The following HCN1 variants were observed in gnomAD, a reference collection of about 807,000 sequenced individuals.
The protein encoded by HCN1 is hyperpolarization activated cyclic nucleotide gated potassium channel 1, also known as potassium/sodium hyperpolarization-activated cyclic nucleotide-gated channel 1.
In HCN1, 13 loss-of-function variants were observed where a neutral mutation model predicts 78.9. The observed-to-expected ratio is 0.16, with a 90% CI of 0.11 to 0.26. HCN1 has a LOEUF of 0.26. Ranked by LOEUF, HCN1 falls within the 10% of genes least tolerant of loss-of-function variation. The pLI is 1.00. For missense variants in HCN1, 810 were observed against 1,154.3 expected (o/e 0.70, Z 4.32); for synonymous variants, 552 against 455.5 (o/e 1.21, Z -2.70).
intron 5 of HCN1, among the ~76,000 whole-genome samples, chr5:45,348,071 A>G (rs1162251146): frequency 6.6e-6 from 1 of 152,156 alleles, no homozygotes; most frequent in Non-Finnish European, 1.5e-5. Context: ...TGTCAGATTC[A>G]CCAAAGTTGA....
rs145982296 is a variant in HCN1, at chr5:45,692,528, C to T, written c.425+3141G>A. 3.1e-4 allele frequency among the ~76,000 whole-genome samples: 47 copies of T among 152,292 alleles called. 1 individual carries two copies. In the East Asian group the frequency reaches 7.0e-3, roughly 23 times the overall value. ...TTGTTGTGTTTACTAAATTCTGTAG[C>T]TTCCACCCAGTTATTTCAAACAGTA... On this transcript the variant is annotated intron_variant, in intron 1 of 7. Coordinates refer to ENST00000303230, the MANE Select transcript of HCN1 (RefSeq NM_021072.4).
At chr5:45,695,562 C>G (rs565807677) in intron 1 of HCN1, 107 bp downstream of exon 1, 7 of 1,156,520 alleles carry the variant, frequency 6.1e-6, no homozygotes, top group African/African-American at 3.1e-5. Context: ...GCAGCGCCAC[C>G]CCCCGCCCGC....
intron 4 of HCN1, among the ~76,000 whole-genome samples, chr5:45,371,741 T>A (rs1242010857): frequency 6.9e-6 from 1 of 144,016 alleles, no homozygotes; most frequent in South Asian, 2.1e-4. Flanking sequence ...TGGGTGACAG[T>A]GAGAGACTCC....
At position 45,321,318 on chromosome 5, in the gene HCN1, A is replaced by G. The variant is rs1364673250; in HGVS notation, c.1378-17479T>C. ...TTTATTCCTGGGGGAAAAACAACGTAACAATAAACTTAAATTTTGTTTTAT... is the reference window on the plus strand; with the variant it reads ...TTTATTCCTGGGGGAAAAACAACGTGACAATAAACTTAAATTTTGTTTTAT... On this transcript the variant is annotated intron_variant, in intron 5 of 7. Transcript: ENST00000303230. 2.0e-5 allele frequency among the ~76,000 whole-genome samples: 3 copies of G among 151,880 alleles called. No individual in the cohort carries two copies. The East Asian group carries it at 5.8e-4, about 29-fold the overall frequency.
intron 6 of HCN1, among the ~76,000 whole-genome samples, chr5:45,272,573 C>T (rs901517823): frequency 5.9e-5 from 9 of 152,032 alleles, no homozygotes; most frequent in Admixed American, 2.0e-4. Flanking sequence ...AGTGAATAAA[C>T]ATAAAACCCA....
At chr5:45,333,381 G>GTA (rs1746386372) in intron 5 of HCN1, among the ~76,000 whole-genome samples, 1 of 151,548 alleles carries the variant, frequency 6.6e-6, no homozygotes. Flanking sequence ...TATAAATTCT[G>GTA]GTTATTAATC....
At chr5:45,687,106 C>T (rs1739823478) in intron 1 of HCN1, among the ~76,000 whole-genome samples, 1 of 152,160 alleles carries the variant, frequency 6.6e-6, no homozygotes, top group South Asian at 2.1e-4. Flanking sequence ...GACTTTGTTA[C>T]ATCGTCATTT....
chr5:45,592,181 T>C (rs374609330), intron 2 of HCN1, among the ~76,000 whole-genome samples: 1 of 152,180 alleles, frequency 6.6e-6, no homozygotes, highest in Non-Finnish European at 1.5e-5. Context: ...TACCATACTA[T>C]ATTAATTATT....
At chr5:45,279,638 C>A (rs900380712) in intron 6 of HCN1, among the ~76,000 whole-genome samples, 2 of 151,938 alleles carry the variant, frequency 1.3e-5, no homozygotes, top group African/African-American at 4.8e-5. Context: ...ATAATAAAAT[C>A]TCATATGTTC....
intron 2 of HCN1, among the ~76,000 whole-genome samples, chr5:45,619,473 T>C (rs1745017689): frequency 1.3e-5 from 2 of 152,062 alleles, no homozygotes; most frequent in Admixed American, 1.3e-4. Flanking sequence ...CTAGATCAAT[T>C]TGAGAAACAA....
At chr5:45,365,444 A>T (rs1747215353) in intron 4 of HCN1, among the ~76,000 whole-genome samples, 1 of 151,962 alleles carries the variant, frequency 6.6e-6, no homozygotes, top group Non-Finnish European at 1.5e-5. Context: ...AGAACATATG[A>T]TATTTGATTT....
intron 3 of HCN1, among the ~76,000 whole-genome samples, chr5:45,400,197 A>G (rs1739764089): frequency 6.6e-6 from 1 of 152,088 alleles, no homozygotes; most frequent in South Asian, 2.1e-4. Flanking sequence ...AGTGGAGACT[A>G]CACTTTATTT....
chr5:45,548,400 G>C (rs1392519688), intron 2 of HCN1, among the ~76,000 whole-genome samples: 1 of 151,760 alleles, frequency 6.6e-6, no homozygotes, highest in African/African-American at 2.4e-5. Context: ...TTTCAACTTT[G>C]TGTGAATAAA....
Position 45,312,845 on chromosome 5 carries a change from G to T in HCN1, c.1378-9006C>A, listed in dbSNP as rs185125485. On this transcript the variant is annotated intron_variant, in intron 5 of 7. Transcript: ENST00000303230. Reference sequence around the variant, plus strand: ...GGGGCGCCCACCATTGCTGAGGCTTGAGTAGGTAAACAAAGCAGCCTGGAG... The same window carrying T: ...GGGGCGCCCACCATTGCTGAGGCTTTAGTAGGTAAACAAAGCAGCCTGGAG... Among the ~76,000 whole-genome samples, 97 of 152,316 alleles carry T rather than the reference G, an allele frequency of 6.4e-4. 1 individual carries two copies. The East Asian group carries it at 0.011, about 17-fold the overall frequency.
At chr5:45,499,031 C>G (rs1742125523) in intron 2 of HCN1, among the ~76,000 whole-genome samples, 1 of 152,094 alleles carries the variant, frequency 6.6e-6, no homozygotes, top group Non-Finnish European at 1.5e-5. Flanking sequence ...TTACTGCTGT[C>G]TTTTTTTGTC....
At chr5:45,647,034 T>C (rs775432482) in intron 1 of HCN1, among the ~76,000 whole-genome samples, 3 of 152,166 alleles carry the variant, frequency 2.0e-5, no homozygotes, top group Non-Finnish European at 2.9e-5. Flanking sequence ...CATCTGTAAT[T>C]AAGAATGACT....
chr5:45,258,005 G>A lies in HCN1; in HGVS notation c.*3916C>T, dbSNP rs1207119717. ...AAAATAAAAGTTTGCTAGTTGTAGT[G>A]CATATGAACAAAATAACCACATGGG... On this transcript the variant is annotated 3_prime_UTR_variant, in exon 8 of 8. Transcript: ENST00000303230. The A allele has an allele frequency of 6.6e-6, 1 of 151,216 alleles. No homozygotes were observed. The highest frequency in any genetic ancestry group is 2.5e-5 in the African/African-American group (1 of 40,628). The allele number at this position is 151,216 out of a possible 1,614,324, so 9.4% of individuals were successfully genotyped here. A position where few individuals can be genotyped will look rare whatever the true frequency, so the allele number is the denominator to read the frequency against.
At chr5:45,481,963 A>C (rs1242116155) in intron 2 of HCN1, among the ~76,000 whole-genome samples, 2 of 113,454 alleles carry the variant, frequency 1.8e-5, no homozygotes, top group Non-Finnish European at 3.5e-5. Context: ...TCCTAAAAGA[A>C]AAACAAACAA....
intron 2 of HCN1, among the ~76,000 whole-genome samples, chr5:45,502,734 C>G (rs1447306281): frequency 2.0e-5 from 3 of 152,072 alleles, no homozygotes; most frequent in Non-Finnish European, 2.9e-5. Flanking sequence ...GTACTAATCA[C>G]TCAACAAATG....
Sources: gnomAD v4.1 joint callset for allele counts (sites outside exome capture counted in the v4.1 genomes callset) on GRCh38, gnomAD v4.1.1 for gene constraint, MANE v1.5 for transcripts, NCBI Gene and HGNC (gene_info 2026-07-23, HGNC 2026-07-21) for gene names.